The following NCMAP variants were observed in gnomAD, a reference collection of about 807,000 sequenced individuals.
NCMAP encodes the protein non-compact myelin associated protein.
A neutral mutation model predicts 7.8 loss-of-function variants in NCMAP; 8 were observed. The observed-to-expected ratio is 1.02, with a 90% confidence interval of 0.60 to 1.84. NCMAP has a LOEUF of 1.84. NCMAP is among the 40% of genes most tolerant of loss of function. The pLI, the probability that NCMAP is intolerant of heterozygous loss-of-function variation, is 0.00. For missense variants in NCMAP, 112 were observed against 131.4 expected (o/e 0.85, Z 0.72); for synonymous variants, 41 against 52.9 (o/e 0.78, Z 0.98).
At chr1:24,591,498 C>T (rs1406824170) in intron 1 of NCMAP, among the ~76,000 whole-genome samples, 1 of 152,250 alleles carries the variant, frequency 6.6e-6, no homozygotes, top group African/African-American at 2.4e-5. Flanking sequence ...AAACTTCTGA[C>T]CTCAAGTAAT....
intron 1 of NCMAP, among the ~76,000 whole-genome samples, chr1:24,568,427 G>A (rs1651288903): frequency 1.3e-5 from 2 of 152,150 alleles, no homozygotes; most frequent in Admixed American, 1.3e-4. Context: ...AGGGACCTCG[G>A]TGATGCTAGA....
At chr1:24,559,214 G>C (rs1372400822) in intron 1 of NCMAP, among the ~76,000 whole-genome samples, 1 of 152,308 alleles carries the variant, frequency 6.6e-6, no homozygotes, top group East Asian at 1.9e-4. Context: ...CAACCTCCAA[G>C]CCTTGTTCTA....
intron 1 of NCMAP, among the ~76,000 whole-genome samples, chr1:24,584,139 C>T (rs374163299): frequency 4.6e-5 from 7 of 152,290 alleles, no homozygotes; most frequent in South Asian, 2.1e-4. Context: ...GCCCTCCCCC[C>T]GCCCCACAGG....
At chr1:24,593,143 A>G (rs1652099415) in intron 1 of NCMAP, among the ~76,000 whole-genome samples, 1 of 151,414 alleles carries the variant, frequency 6.6e-6, no homozygotes, top group Non-Finnish European at 1.5e-5. Context: ...GTGCCACTGC[A>G]CTCCAGCCTG....
intron 2 of NCMAP, 90 bp from the exon 3 acceptor site, chr1:24,600,850 T>C (rs1652460319): frequency 2.9e-6 from 3 of 1,050,604 alleles, no homozygotes; most frequent in Admixed American, 1.7e-5. Flanking sequence ...TCCCTTGACC[T>C]AGTGAGGATG....
chr1:24,583,301 C>T (rs1321769303), intron 1 of NCMAP, among the ~76,000 whole-genome samples: 5 of 152,262 alleles, frequency 3.3e-5, no homozygotes, highest in African/African-American at 1.2e-4. Context: ...AGGACAGCCC[C>T]TCACACCAAA....
intron 1 of NCMAP, among the ~76,000 whole-genome samples, chr1:24,580,822 C>T (rs747063785): frequency 7.9e-5 from 12 of 152,204 alleles, no homozygotes; most frequent in African/African-American, 1.2e-4. Flanking sequence ...ACCACTCACT[C>T]CTGAGTCTGG....
At chr1:24,565,021 T>C (rs1651182337) in intron 1 of NCMAP, among the ~76,000 whole-genome samples, 1 of 152,214 alleles carries the variant, frequency 6.6e-6, no homozygotes, top group Non-Finnish European at 1.5e-5. Flanking sequence ...GAAAATACTC[T>C]TGCAGGAAAT....
At chr1:24,583,717 G>T in intron 1 of NCMAP, among the ~76,000 whole-genome samples, 2 of 104,050 alleles carry the variant, frequency 1.9e-5, no homozygotes, top group Admixed American at 1.2e-4. Context: ...CTCCGTCTCA[G>T]AAAAAAAAAA....
chr1:24,598,740 C>T (rs1035673790), intron 2 of NCMAP, among the ~76,000 whole-genome samples: 1 of 151,582 alleles, frequency 6.6e-6, no homozygotes, highest in Non-Finnish European at 1.5e-5. Context: ...CGGGCTCAAG[C>T]GATTCTCGTG....
At position 24,597,613 on chromosome 1, in the gene NCMAP, GAAAGAGAAAGAAAGAAAGAAAGAA is replaced by G. The variant is rs1484761343; in HGVS notation, c.82+2103_82+2126del. Among the ~76,000 whole-genome samples the G allele has an allele frequency of 2.2e-4, 18 of 81,222 alleles. No homozygotes were observed. In the South Asian group the frequency reaches 3.9e-3, roughly 18 times the overall value. 53.3% of individuals were successfully genotyped at this position (81,222 alleles called of 152,430 possible). ...AAGAAAGAAGAAAGAAAGAAAGAAA[GAAAGAGAAAGAAAGAAAGAAAGAA>G]AGAAAGAAAGAAAGAAAGAAAGAAA... On this transcript the variant is annotated intron_variant, in intron 2 of 3. Transcript: ENST00000374392.
At chr1:24,604,604 AAATATATATATATATATATATATATATAT>A (rs1557605311) in intron 3 of NCMAP, among the ~76,000 whole-genome samples, 8 of 38,430 alleles carry the variant, frequency 2.1e-4, no homozygotes, top group Non-Finnish European at 3.2e-4. Context: ...AAAAAAAAAA[AAATATATATATATATATATATATATATAT>A]ATATATATAT....
chr1:24,603,055 T>C (rs1011003292), intron 3 of NCMAP, among the ~76,000 whole-genome samples: 2 of 151,614 alleles, frequency 1.3e-5, no homozygotes, highest in African/African-American at 2.4e-5. Context: ...ATAAACAAAA[T>C]AAAATAAAAT....
At chr1:24,566,843 G>A (rs1207062743) in intron 1 of NCMAP, among the ~76,000 whole-genome samples, 1 of 152,098 alleles carries the variant, frequency 6.6e-6, no homozygotes, top group East Asian at 1.9e-4. Context: ...CACTGTAGAG[G>A]TGAGTCTATG....
intron 1 of NCMAP, among the ~76,000 whole-genome samples, chr1:24,585,354 T>C (rs961927635): frequency 3.9e-5 from 6 of 152,168 alleles, no homozygotes; most frequent in Admixed American, 3.9e-4. Context: ...TCAAAGCCCC[T>C]TCATGGAATC....
chr1:24,593,236 C>G (rs1449280825), intron 1 of NCMAP, among the ~76,000 whole-genome samples: 1 of 151,218 alleles, frequency 6.6e-6, no homozygotes, highest in African/African-American at 2.4e-5. Context: ...GTAATCCCAG[C>G]ACTTTGGGAG....
At chr1:24,596,625 G>T (rs1010416469) in intron 2 of NCMAP, among the ~76,000 whole-genome samples, 1 of 152,186 alleles carries the variant, frequency 6.6e-6, no homozygotes, top group East Asian at 1.9e-4. Flanking sequence ...GGTCGAGGCT[G>T]TGGTGAGCTG....
chr1:24,601,343 CTCTT>C (rs1570541368), intron 3 of NCMAP, among the ~76,000 whole-genome samples: 1 of 152,160 alleles, frequency 6.6e-6, no homozygotes, highest in Non-Finnish European at 1.5e-5. Context: ...TCAGAGATCT[CTCTT>C]CTAGGTTGTA....
At chr1:24,564,491 G>A (rs1350625533) in intron 1 of NCMAP, among the ~76,000 whole-genome samples, 1 of 118,104 alleles carries the variant, frequency 8.5e-6, no homozygotes, top group Non-Finnish European at 1.6e-5. Context: ...TCCAGCCTGG[G>A]CAACAGAGTG....
Sources: gnomAD v4.1 joint callset for allele counts (sites outside exome capture counted in the v4.1 genomes callset) on GRCh38, gnomAD v4.1.1 for gene constraint, MANE v1.5 for transcripts, NCBI Gene and HGNC (gene_info 2026-07-23, HGNC 2026-07-21) for gene names.